P2RX3: variants seen among roughly 807,000 people sequenced by gnomAD.
P2RX3 encodes the protein P2X purinoceptor 3.
A neutral mutation model predicts 51.5 loss-of-function variants in P2RX3; 41 were observed. That is an observed-to-expected ratio of 0.80 (90% CI 0.62 to 1.03). The LOEUF (loss-of-function observed/expected upper bound fraction) is 1.03, where lower values mean the gene tolerates loss of function less well. Among genes scored for constraint, P2RX3 ranks in the 50% least tolerant of loss-of-function variants. The pLI, the probability that P2RX3 is intolerant of heterozygous loss-of-function variation, is 0.00. For missense variants in P2RX3, 459 were observed against 522.1 expected (o/e 0.88, Z 1.18); for synonymous variants, 185 against 191.6 (o/e 0.97, Z 0.29).
chr11:57,369,572 C>G (rs1193315739), intron 11 of P2RX3, 134 bp downstream of exon 11: 3 of 840,500 alleles, frequency 3.6e-6, no homozygotes, highest in Non-Finnish European at 5.5e-6. Flanking sequence ...ATTTGGGGTC[C>G]AGACAAGGGA....
rs890934645 is a variant in P2RX3 at position 57,359,128 on chromosome 11, C to T, written c.842+8230C>T. On this transcript the variant is annotated intron_variant, in intron 8 of 11. Coordinates refer to ENST00000263314, the MANE Select transcript of P2RX3 (RefSeq NM_002559.5). Reference sequence around the variant, plus strand: ...GAAGCCGTCACCACTGTAGACCTGCCGCCCCCGCGGGAGGAATGGGAGCCT... The same window carrying T: ...GAAGCCGTCACCACTGTAGACCTGCTGCCCCCGCGGGAGGAATGGGAGCCT... Among the ~76,000 whole-genome samples, 6 of 152,160 alleles carry T rather than the reference C, an allele frequency of 3.9e-5. No individual in the cohort carries two copies. In the East Asian group the frequency reaches 7.7e-4, roughly 20 times the overall value.
intron 8 of P2RX3, among the ~76,000 whole-genome samples, chr11:57,351,966 C>T (rs993633173): frequency 5.9e-5 from 9 of 152,120 alleles, no homozygotes; most frequent in African/African-American, 2.2e-4. Context: ...TGGCAGGGCC[C>T]TGTTTAAGTA....
At chr11:57,344,627 A>T in intron 1 of P2RX3, among the ~76,000 whole-genome samples, 1 of 152,200 alleles carries the variant, frequency 6.6e-6, no homozygotes, top group East Asian at 1.9e-4. Flanking sequence ...TGAGCCCGGG[A>T]GGCAGAGGTT....
intron 8 of P2RX3, among the ~76,000 whole-genome samples, chr11:57,359,511 T>C (rs1012214567): frequency 6.6e-6 from 1 of 152,202 alleles, no homozygotes; most frequent in Non-Finnish European, 1.5e-5. Flanking sequence ...CTGAAAACTC[T>C]GGCCCTGCCT....
intron 8 of P2RX3, among the ~76,000 whole-genome samples, chr11:57,354,353 A>C (rs1374824188): frequency 2.4e-4 from 36 of 152,194 alleles, no homozygotes; most frequent in Admixed American, 2.4e-3. Context: ...GCTTTAACTT[A>C]GTATTTTTAT....
intron 8 of P2RX3, among the ~76,000 whole-genome samples, chr11:57,352,881 A>G (rs969045705): frequency 1.3e-5 from 2 of 152,148 alleles, no homozygotes; most frequent in Non-Finnish European, 2.9e-5. Context: ...GACTCCCCCA[A>G]CAAAGTCCCC....
chr11:57,362,114 G>T (rs1856729142), intron 8 of P2RX3, among the ~76,000 whole-genome samples: 1 of 152,204 alleles, frequency 6.6e-6, no homozygotes, highest in Non-Finnish European at 1.5e-5. Flanking sequence ...ATCTGAGCTG[G>T]GCTCTAATGG....
chr11:57,371,518 C>T lies in P2RX3; in HGVS notation c.*1521C>T, dbSNP rs554374725. Among the ~76,000 whole-genome samples the T allele has an allele frequency of 8.5e-5, 13 of 152,292 alleles. No individual in the cohort carries two copies. The South Asian group carries it at 2.7e-3, about 32-fold the overall frequency. On this transcript the variant is annotated 3_prime_UTR_variant, in exon 12 of 12. Transcript: ENST00000263314. Reference sequence around the variant, plus strand: ...ACAGGAAGTGGGGAAGGGACAGCTTCAGGAGTAGTTCAGGAGGCTCAAATG... The same window carrying T: ...ACAGGAAGTGGGGAAGGGACAGCTTTAGGAGTAGTTCAGGAGGCTCAAATG...
In P2RX3 at chr11:57,350,885, G is replaced by A; in HGVS notation, c.829G>A (p.Gly277Ser). Residue 277 changes from glycine to serine, a missense_variant, in exon 8 of 12, where the codon GGC becomes AGC. Coordinates refer to ENST00000263314, the MANE Select transcript of P2RX3 (RefSeq NM_002559.5). Reference sequence around the variant, plus strand: ...TTCTGAGAAAAGCAGCGTGTCCCCAGGCTACAACTTCAGGTAATTCCCTGT... The same window carrying A: ...TTCTGAGAAAAGCAGCGTGTCCCCAAGCTACAACTTCAGGTAATTCCCTGT... ...SVSEKSSVSP[G>S]YNFRFAKYYK... The A allele has an allele frequency of 6.2e-7, 1 of 1,614,098 alleles. No homozygotes were observed. The highest frequency in any genetic ancestry group is 8.5e-7 in the Non-Finnish European group (1 of 1,180,016).
chr11:57,348,768 C>T, intron 6 of P2RX3, 64 bp downstream of exon 6: 2 of 1,262,016 alleles, frequency 1.6e-6, no homozygotes, highest in Non-Finnish European at 2.3e-6. Context: ...AACCTGTTTT[C>T]AGGGAAGTGG....
intron 8 of P2RX3, 125 bp downstream of exon 8, chr11:57,351,023 C>A: frequency 7.3e-7 from 1 of 1,367,076 alleles, no homozygotes; most frequent in Non-Finnish European, 1.0e-6. Flanking sequence ...CCTCAGGTTT[C>A]ATTTCAAATC....
At chr11:57,337,518 A>C (rs977260155), upstream of P2RX3, among the ~76,000 whole-genome samples, 7 of 152,112 alleles carry the variant, frequency 4.6e-5, no homozygotes, top group African/African-American at 1.4e-4. Flanking sequence ...TGTCCTTTGC[A>C]GGGACATGGA....
At chr11:57,362,557 G>A (rs1316684525) in intron 8 of P2RX3, among the ~76,000 whole-genome samples, 2 of 152,130 alleles carry the variant, frequency 1.3e-5, no homozygotes, top group Non-Finnish European at 1.5e-5. Flanking sequence ...GACCCACCTA[G>A]CAAATGCAAA....
In P2RX3 at chr11:57,360,749, C is replaced by T. The variant is rs749773550; in HGVS notation, c.843-7260C>T. Among the ~76,000 whole-genome samples, 3 of 150,286 alleles carry T rather than the reference C, an allele frequency of 2.0e-5. No homozygotes were observed. In the South Asian group the frequency reaches 6.4e-4, roughly 32 times the overall value. On this transcript the variant is annotated intron_variant, in intron 8 of 11. Transcript: ENST00000263314. The stretch of plus-strand genomic sequence containing the variant: ...GGCAGAGGATGCAGTGAGCCGAGAT[C>T]GCTCCACTGTGTACTCCAGCCTGGT...
rs1183553337 is a variant in P2RX3 at position 57,350,296 on chromosome 11, C to CTTTTT, written c.705+415_705+419dup. ...CCAATGTTCGCATCCGAGCCACAAC[C>CTTTTT]TTTTTTTTTTTTTTTTTTTTTGAGA... On this transcript the variant is annotated intron_variant, in intron 7 of 11. Coordinates refer to ENST00000263314, the MANE Select transcript of P2RX3 (RefSeq NM_002559.5). 8.8e-3 allele frequency: 957 copies of CTTTTT among 108,750 alleles called. 63 individuals carry two copies. Among genetic ancestry groups the CTTTTT allele is most frequent in the East Asian group, 0.018 (56 of 3,100 alleles). The allele number at this position is 108,750 out of a possible 1,614,324, so 6.7% of individuals were successfully genotyped here. A position where few individuals can be genotyped will look rare whatever the true frequency, so the allele number is the denominator to read the frequency against.
At position 57,370,119 on chromosome 11, in the gene P2RX3, A is replaced by G; in HGVS notation, c.*122A>G. 3 of 709,594 alleles carry G rather than the reference A, an allele frequency of 4.2e-6. No individual in the cohort carries two copies. Among genetic ancestry groups the G allele is most frequent in the Non-Finnish European group, 7.1e-6 (3 of 420,044 alleles). 44.0% of individuals were successfully genotyped at this position (709,594 alleles called of 1,614,324 possible). On this transcript the variant is annotated 3_prime_UTR_variant, in exon 12 of 12. Coordinates refer to ENST00000263314, the MANE Select transcript of P2RX3 (RefSeq NM_002559.5). ...TTTCTGCTGCTCATTCCATGAGCAT[A>G]GCTGGGACCCAAGTGTCTGGGCCTC...
intron 1 of P2RX3, among the ~76,000 whole-genome samples, chr11:57,345,882 C>T (rs549449154): frequency 6.6e-6 from 1 of 151,576 alleles, no homozygotes; most frequent in Non-Finnish European, 1.5e-5. Context: ...CCCAGCCCCC[C>T]CACCTTCAAC....
chr11:57,353,776 G>A (rs1279312380), intron 8 of P2RX3, among the ~76,000 whole-genome samples: 1 of 151,762 alleles, frequency 6.6e-6, no homozygotes, highest in African/African-American at 2.4e-5. Context: ...GACATCCAGA[G>A]GCAGCTAGAG....
chr11:57,368,096 C>A lies in P2RX3; in HGVS notation c.930C>A (p.Tyr310Ter). The A allele has an allele frequency of 6.2e-7, 1 of 1,613,958 alleles. No individual in the cohort carries two copies. The highest frequency in any genetic ancestry group is 8.5e-7 in the Non-Finnish European group (1 of 1,179,852). ...GCATCCGCTTCGACGTGCTGGTATACGGGAATGTGAGTCCATGGGCCAGGC... is the reference window on the plus strand; with the variant it reads ...GCATCCGCTTCGACGTGCTGGTATAAGGGAATGTGAGTCCATGGGCCAGGC... ...AFGIRFDVLV[Y>*]GNAGKFNIIP... Residue 310 changes from tyrosine to a stop codon, truncating the protein, a stop_gained, in exon 9 of 12, where the codon TAC (tyrosine) becomes TAA (stop). Transcript: ENST00000263314. LOFTEE classifies it high-confidence loss of function.
Sources: gnomAD v4.1 joint callset for allele counts (sites outside exome capture counted in the v4.1 genomes callset) on GRCh38, gnomAD v4.1.1 for gene constraint, MANE v1.5 for transcripts, NCBI Gene and HGNC (gene_info 2026-07-23, HGNC 2026-07-21) for gene names.